The following COL19A1 variants were observed in gnomAD, a reference collection of about 807,000 sequenced individuals.
COL19A1 encodes collagen alpha-1(XIX) chain.
A neutral mutation model predicts 190.2 loss-of-function variants in COL19A1; 159 were observed. The ratio of observed to expected loss-of-function variants is 0.84; its 90% CI spans 0.73 to 0.95. The LOEUF is 0.95. COL19A1 is among the 40% of genes least tolerant of loss of function. The pLI is 0.00. For missense variants in COL19A1, 1,418 were observed against 1,431.9 expected, an observed-to-expected ratio of 0.99 and a Z score of 0.16; for synonymous variants, 509 against 458.9, an observed-to-expected ratio of 1.11 and a Z score of -1.39.
intron 9 of COL19A1, among the ~76,000 whole-genome samples, chr6:69,941,639 A>G (rs1459218793): frequency 1.3e-5 from 2 of 150,116 alleles, no homozygotes. Context: ...TGTATCTTTT[A>G]TTTCCAATAT....
At chr6:69,953,439 G>T (rs1774234684) in intron 9 of COL19A1, among the ~76,000 whole-genome samples, 1 of 152,056 alleles carries the variant, frequency 6.6e-6, no homozygotes, top group South Asian at 2.1e-4. Flanking sequence ...TGAATTATCA[G>T]TGAAAAACTA....
chr6:70,028,815 A>C (rs1778866037), intron 12 of COL19A1, among the ~76,000 whole-genome samples: 1 of 152,192 alleles, frequency 6.6e-6, no homozygotes, highest in East Asian at 1.9e-4. Flanking sequence ...ACTATCATAC[A>C]GAAAGCCTTT....
chr6:69,890,454 A>G (rs1015106945), intron 2 of COL19A1: 3 of 152,144 alleles, frequency 2.0e-5, no homozygotes, highest in African/African-American at 7.2e-5. Flanking sequence ...TGGTTCTTGT[A>G]TCTCTCAATT....
chr6:69,936,408 C>T (rs1773114104), intron 7 of COL19A1, among the ~76,000 whole-genome samples: 1 of 152,020 alleles, frequency 6.6e-6, no homozygotes, highest in East Asian at 1.9e-4. Context: ...TTACATGTTT[C>T]AACTTTAATT....
intron 11 of COL19A1, among the ~76,000 whole-genome samples, chr6:69,995,873 T>A (rs6935585): frequency 6.6e-6 from 1 of 152,014 alleles, no homozygotes. Flanking sequence ...CTTGGAGAAA[T>A]AACTTAATTA....
chr6:70,043,278 G>A (rs1441914903), intron 14 of COL19A1, among the ~76,000 whole-genome samples: 5 of 150,030 alleles, frequency 3.3e-5, no homozygotes, highest in Non-Finnish European at 4.4e-5. Context: ...TGCAAGCTCC[G>A]CCTCTCGGGT....
intron 36 of COL19A1, among the ~76,000 whole-genome samples, chr6:70,164,666 T>G (rs1014406354): frequency 6.6e-6 from 1 of 152,002 alleles, no homozygotes; most frequent in Non-Finnish European, 1.5e-5. Context: ...TGAGAGTGAA[T>G]ATATGACTTT....
intron 11 of COL19A1, among the ~76,000 whole-genome samples, chr6:69,988,901 T>C (rs1202967657): frequency 1.3e-5 from 2 of 152,232 alleles, no homozygotes; most frequent in Non-Finnish European, 2.9e-5. Context: ...TCTGCTTTCC[T>C]TTCACATCTG....
At chr6:70,045,685 A>G (rs576834085) in intron 14 of COL19A1, among the ~76,000 whole-genome samples, 5 of 152,166 alleles carry the variant, frequency 3.3e-5, no homozygotes, top group Non-Finnish European at 7.4e-5. Context: ...ATTTGGGGAG[A>G]GCTTATACGC....
rs1554166264 is a variant in COL19A1 at position 69,921,459 on chromosome 6, A to ATCATATATATTCATATATTCATATATAT, written c.267-6431_267-6404dup. ...ATCATATATATCATATATCATATAT[A>ATCATATATATTCATATATTCATATATAT]TCATATATATTCATATATTCATATA... On this transcript the variant is annotated intron_variant, in intron 4 of 50. Transcript: ENST00000620364. 3.2e-3 allele frequency among the ~76,000 whole-genome samples: 69 copies of ATCATATATATTCATATATTCATATATAT among 21,274 alleles called. 2 individuals carry two copies. Among genetic ancestry groups the ATCATATATATTCATATATTCATATATAT allele is most frequent in the Non-Finnish European group, 6.2e-3 (62 of 9,930 alleles). 14.0% of individuals were successfully genotyped at this position (21,274 alleles called of 152,430 possible). A position where few individuals can be genotyped will look rare whatever the true frequency, so the allele number is the denominator to read the frequency against.
At position 70,207,160 on chromosome 6, in the gene COL19A1, A is replaced by G; in HGVS notation, c.3315A>G (p.Pro1105=). The G allele has an allele frequency of 6.2e-7, 1 of 1,613,214 alleles. No individual in the cohort carries two copies. Among genetic ancestry groups the G allele is most frequent in the East Asian group, 2.2e-5 (1 of 44,878 alleles). ...TTATGTCGTTAGCTCTGGGTTTGCC[A>G]GGCTCACCAGGTGCCCCAGGCCCAC... ...GLPGTSALGL[P]GSPGAPGPQG... The change falls in exon 51 of 51, where the codon CCA becomes CCG. Residue 1105 remains proline, a synonymous_variant. Transcript: ENST00000620364.
chr6:70,090,393 A>G (rs1782839840), intron 15 of COL19A1, among the ~76,000 whole-genome samples: 1 of 152,124 alleles, frequency 6.6e-6, no homozygotes, highest in Non-Finnish European at 1.5e-5. Flanking sequence ...TGGCATTTTC[A>G]TTGTACGTAT....
chr6:70,166,326 A>C (rs1315100894), intron 37 of COL19A1, among the ~76,000 whole-genome samples: 3 of 152,226 alleles, frequency 2.0e-5, no homozygotes, highest in Non-Finnish European at 4.4e-5. Context: ...GGCCAGAAAA[A>C]TAGATCCTTT....
rs376132126 is a variant in COL19A1 at position 70,188,286 on chromosome 6, C to T, written c.3027+41C>T. 3.7e-5 allele frequency: 57 copies of T among 1,543,926 alleles called. 1 individual carries two copies. The highest frequency in any genetic ancestry group is 3.3e-4 in the South Asian group (26 of 77,828). ...ACGCTTTAGGGCTCCTGGCTTGTAC[C>T]GACCATGTATCCCTTTTACAATGAA... On this transcript the variant is annotated intron_variant, in intron 47 of 50. Transcript: ENST00000620364.
intron 4 of COL19A1, among the ~76,000 whole-genome samples, chr6:69,905,542 A>G (rs1685128852): frequency 6.6e-6 from 1 of 152,218 alleles, no homozygotes; most frequent in African/African-American, 2.4e-5. Context: ...GTGCACTTGT[A>G]CAGTGTCAGC....
intron 49 of COL19A1, among the ~76,000 whole-genome samples, chr6:70,206,459 C>T (rs1767854477): frequency 6.6e-6 from 1 of 151,960 alleles, no homozygotes. Flanking sequence ...CAAAACCCTG[C>T]CTCCACTAAA....
Position 69,931,379 on chromosome 6 carries a change from C to A in COL19A1, c.667-1404C>A, listed in dbSNP as rs376495674. 6.6e-5 allele frequency among the ~76,000 whole-genome samples: 10 copies of A among 152,250 alleles called. No homozygotes were observed. The East Asian group carries it at 1.9e-3, about 29-fold the overall frequency. On this transcript the variant is annotated intron_variant, in intron 6 of 50. Coordinates refer to ENST00000620364, the MANE Select transcript of COL19A1 (RefSeq NM_001858.6). ...ACAAAGCATAAACTATTCTGACTGT[C>A]ATTTCAATGTCATGGAACTCAATCA...
At chr6:70,124,327 T>C (rs978260941) in intron 17 of COL19A1, among the ~76,000 whole-genome samples, 3 of 152,152 alleles carry the variant, frequency 2.0e-5, no homozygotes, top group Non-Finnish European at 4.4e-5. Flanking sequence ...ACTATATTAC[T>C]ATCGCCCTTG....
At chr6:70,043,231 G>A (rs370046863) in intron 14 of COL19A1, among the ~76,000 whole-genome samples, 2 of 145,908 alleles carry the variant, frequency 1.4e-5, no homozygotes, top group Admixed American at 7.0e-5. Context: ...TCGCTCTGTC[G>A]CCCAGACTGG....
Sources: gnomAD v4.1 joint callset for allele counts (sites outside exome capture counted in the v4.1 genomes callset) on GRCh38, gnomAD v4.1.1 for gene constraint, MANE v1.5 for transcripts, NCBI Gene and HGNC (gene_info 2026-07-23, HGNC 2026-07-21) for gene names.